The following DUSP10 variants were observed in gnomAD, a reference collection of about 807,000 sequenced individuals.
DUSP10 encodes dual specificity protein phosphatase 10.
In DUSP10, 14 loss-of-function variants were observed where a neutral mutation model predicts 30.8. The observed-to-expected ratio is 0.46, with a 90% confidence interval of 0.30 to 0.71. The LOEUF is 0.71. DUSP10 is among the 30% of genes least tolerant of loss of function. The pLI is 0.08. For synonymous variants in DUSP10, 254 were observed against 250.4 expected, an observed-to-expected ratio of 1.01 and a Z score of -0.14; for missense variants, 550 against 619.4, an observed-to-expected ratio of 0.89 and a Z score of 1.19.
At chr1:221,737,324 T>A in intron 2 of DUSP10, 1 of 985,370 alleles carries the variant, frequency 1.0e-6, no homozygotes, top group Non-Finnish European at 1.2e-6. Context: ...TCCTCTTTGC[T>A]CCCCAAGACA....
At chr1:221,714,588 TCAAAC>T (rs1661040660) in intron 2 of DUSP10, among the ~76,000 whole-genome samples, 1 of 152,084 alleles carries the variant, frequency 6.6e-6, no homozygotes, top group South Asian at 2.1e-4. Context: ...TCACACCTGA[TCAAAC>T]CAATCTGTGA....
In DUSP10 at chr1:221,739,731, G is replaced by C; in HGVS notation, c.14C>G (p.Pro5Arg). The C allele has an allele frequency of 6.3e-7, 1 of 1,592,510 alleles. No individual in the cohort carries two copies. ...TGCCACTACTACCCTGTCGTCTAAAGGAGACGGAGGCATGAGGAGGCTGAA... is the reference window on the plus strand; with the variant it reads ...TGCCACTACTACCCTGTCGTCTAAACGAGACGGAGGCATGAGGAGGCTGAA... MPPS[P>R]LDDRVVVALS... The change falls in exon 2 of 4, where the codon CCT becomes CGT. Residue 5 changes from proline to arginine, a missense_variant. Coordinates refer to ENST00000366899, the MANE Select transcript of DUSP10 (RefSeq NM_007207.6).
chr1:221,716,075 CCTT>C (rs1350136199), intron 2 of DUSP10, among the ~76,000 whole-genome samples: 1 of 151,576 alleles, frequency 6.6e-6, no homozygotes, highest in African/African-American at 2.4e-5. Flanking sequence ...TCTCCCTACA[CCTT>C]CTCTGTCTCT....
chr1:221,735,463 A>T (rs1465474054), intron 2 of DUSP10, among the ~76,000 whole-genome samples: 1 of 152,248 alleles, frequency 6.6e-6, no homozygotes, highest in African/African-American at 2.4e-5. Flanking sequence ...TTCATAGTAT[A>T]CTATAAAATA....
intron 2 of DUSP10, among the ~76,000 whole-genome samples, chr1:221,716,330 GGTTTC>G (rs1249525538): frequency 6.6e-6 from 1 of 152,132 alleles, no homozygotes. Context: ...GTCTCACAAA[GGTTTC>G]AGTAAGAACC....
chr1:221,729,272 A>G (rs1661509945), intron 2 of DUSP10, among the ~76,000 whole-genome samples: 1 of 152,248 alleles, frequency 6.6e-6, no homozygotes, highest in Non-Finnish European at 1.5e-5. Flanking sequence ...CTCTAAGGAC[A>G]CAGAATAGGC....
intron 2 of DUSP10, among the ~76,000 whole-genome samples, chr1:221,717,375 T>C (rs1343510257): frequency 6.6e-6 from 1 of 151,526 alleles, no homozygotes; most frequent in East Asian, 1.9e-4. Flanking sequence ...CTGAGTTCAG[T>C]GGGAAGCTCC....
rs142143528 is a variant in DUSP10, at chr1:221,739,276, T to C, written c.469A>G (p.Lys157Glu). ...CTCTTGCTGCATTTGGTCATCTTCT[T>C]TGCCAAGTCATTGGGGTAGATTATT... Reference protein sequence around the residue: ...IKIIYPNDLAKKMTKCSKSHL... With the variant: ...IKIIYPNDLAEKMTKCSKSHL... The change falls in exon 2 of 4, where the codon AAG (lysine) becomes GAG (glutamate). Residue 157 changes from lysine to glutamate, a missense_variant. Physicochemically the swap from Lys to Glu is moderately conservative, Grantham distance 56. Transcript: ENST00000366899. The C allele has an allele frequency of 5.5e-5, 89 of 1,614,194 alleles. No individual in the cohort carries two copies. The East Asian group carries it at 2.0e-3, about 36-fold the overall frequency.
At chr1:221,729,097 A>G (rs1661504788) in intron 2 of DUSP10, among the ~76,000 whole-genome samples, 1 of 152,258 alleles carries the variant, frequency 6.6e-6, no homozygotes, top group African/African-American at 2.4e-5. Flanking sequence ...CTTGTGGCAT[A>G]GAGTCTGGCA....
chr1:221,710,523 A>C (rs1378321934), intron 2 of DUSP10, among the ~76,000 whole-genome samples: 5 of 142,806 alleles, frequency 3.5e-5, no homozygotes, highest in African/African-American at 1.5e-4. Flanking sequence ...CTACCATTTT[A>C]AAGATCTAAA....
chr1:221,702,610 G>C lies in DUSP10; in HGVS notation c.1251C>G (p.Thr417=). ...HCQAGVSRSA[T]IVIAYLMKHT... ...GCTTCATCAAGTAAGCGATGACGAT[G>C]GTGGCGGAGCGGGACACCCCAGCCT... Residue 417 remains threonine (T), a synonymous_variant, in exon 4 of 4, where the codon ACC becomes ACG. Coordinates refer to ENST00000366899, the MANE Select transcript of DUSP10 (RefSeq NM_007207.6). This position sits in a 1 kb window ranked among gnomAD's most constrained non-coding sequence, Gnocchi z 4.5. The C allele has an allele frequency of 6.2e-7, 1 of 1,614,146 alleles. No homozygotes were observed. The highest frequency in any genetic ancestry group is 8.5e-7 in the Non-Finnish European group (1 of 1,180,032).
chr1:221,737,878 G>A (rs1178698862), intron 2 of DUSP10, among the ~76,000 whole-genome samples: 1 of 152,242 alleles, frequency 6.6e-6, no homozygotes, highest in East Asian at 1.9e-4. Flanking sequence ...TTCAAACTCA[G>A]CAACACCTTT....
At chr1:221,714,167 T>C (rs1661024272) in intron 2 of DUSP10, among the ~76,000 whole-genome samples, 1 of 152,224 alleles carries the variant, frequency 6.6e-6, no homozygotes, top group African/African-American at 2.4e-5. Context: ...TATAGAATAC[T>C]GAGGCTTACA....
intron 2 of DUSP10, among the ~76,000 whole-genome samples, chr1:221,713,308 G>A (rs1316163302): frequency 1.3e-5 from 2 of 152,190 alleles, no homozygotes; most frequent in East Asian, 3.8e-4. Flanking sequence ...GGAGGAAGTG[G>A]CATGCAGAGT....
At chr1:221,718,446 A>G (rs1661182637) in intron 2 of DUSP10, among the ~76,000 whole-genome samples, 1 of 152,114 alleles carries the variant, frequency 6.6e-6, no homozygotes, top group Non-Finnish European at 1.5e-5. Flanking sequence ...ATCCATCAAG[A>G]CGGATTAAAG....
intron 2 of DUSP10, among the ~76,000 whole-genome samples, chr1:221,718,733 C>T (rs1221110153): frequency 1.3e-5 from 2 of 152,242 alleles, no homozygotes; most frequent in Admixed American, 1.3e-4. Flanking sequence ...CAACCATCCA[C>T]CCCGAGGACC....
At chr1:221,730,409 A>G (rs7511666) in intron 2 of DUSP10, among the ~76,000 whole-genome samples, 1 of 152,138 alleles carries the variant, frequency 6.6e-6, no homozygotes, top group African/African-American at 2.4e-5. Flanking sequence ...GCAATGGACA[A>G]CAGATGCCTG....
chr1:221,709,015 A>AC (rs1660855045), intron 2 of DUSP10, among the ~76,000 whole-genome samples: 1 of 151,504 alleles, frequency 6.6e-6, no homozygotes, highest in African/African-American at 2.4e-5. Flanking sequence ...AAAAAAAAAA[A>AC]AAAACCAACA....
At chr1:221,712,103 T>C (rs1660953697) in intron 2 of DUSP10, among the ~76,000 whole-genome samples, 1 of 152,252 alleles carries the variant, frequency 6.6e-6, no homozygotes, top group Non-Finnish European at 1.5e-5. Flanking sequence ...ATGTTCTTTA[T>C]ACTCCATAGA....
Sources: gnomAD v4.1 joint callset for allele counts (sites outside exome capture counted in the v4.1 genomes callset) on GRCh38, gnomAD v4.1.1 for gene constraint, Gnocchi (gnomAD v3.1) non-coding constraint, MANE v1.5 for transcripts, NCBI Gene and HGNC (gene_info 2026-07-23, HGNC 2026-07-21) for gene names.